The following MSL1 variants were observed in gnomAD, a reference collection of about 807,000 sequenced individuals.
MSL1 encodes MSL complex subunit 1, also known as male-specific lethal 1 homolog.
MSL1 carries 21 observed loss-of-function variants against 64.6 expected under a neutral mutation model. That is an observed-to-expected ratio of 0.33 (90% CI 0.23 to 0.47). MSL1 has a LOEUF of 0.47. Ranked by LOEUF, MSL1 falls within the 20% of genes least tolerant of loss-of-function variation. The probability of loss-of-function intolerance (pLI) is 1.00; values close to 1 mark genes in which losing one functional copy is unlikely to be tolerated. For synonymous variants in MSL1, 339 were observed against 329.6 expected (o/e 1.03, Z -0.31); for missense variants, 664 against 793.2 (o/e 0.84, Z 1.96).
Position 40,131,616 on chromosome 17 carries a change from C to T in MSL1, c.1423+32C>T. ...AGAATAGGAATTGTGCTGGCTGGGC[C>T]TGGGGTGGGGGTTGGTGGGATGGTG... On this transcript the variant is annotated intron_variant, in intron 4 of 8. Coordinates refer to ENST00000398532, the MANE Select transcript of MSL1 (RefSeq NM_001365919.1). The surrounding 1 kb of genome is among the most constrained non-coding windows in gnomAD (Gnocchi z 4.5). 3 of 1,607,830 alleles carry T rather than the reference C, an allele frequency of 1.9e-6. No individual in the cohort carries two copies. Among genetic ancestry groups the T allele is most frequent in the Non-Finnish European group, 2.6e-6 (3 of 1,174,512 alleles).
At chr17:40,124,007 T>C (rs1415946794) in intron 1 of MSL1, among the ~76,000 whole-genome samples, 1 of 152,204 alleles carries the variant, frequency 6.6e-6, no homozygotes. Context: ...ATAAGCATGG[T>C]GTTTGAAACT....
At chr17:40,127,127 A>G (rs926534548) in intron 2 of MSL1, among the ~76,000 whole-genome samples, 2 of 151,998 alleles carry the variant, frequency 1.3e-5, no homozygotes, top group East Asian at 1.9e-4. Flanking sequence ...GAACGTATGG[A>G]AAGTGGGGAA....
Position 40,131,538 on chromosome 17 carries a change from G to T in MSL1, c.1377G>T (p.Arg459Ser). 2 of 1,613,466 alleles carry T rather than the reference G, an allele frequency of 1.2e-6. No homozygotes were observed. The highest frequency in any genetic ancestry group is 1.7e-6 in the Non-Finnish European group (2 of 1,179,616). ...SSPKKEETVARCLMPSSVAGE... is the reference protein window; with the variant it reads ...SSPKKEETVASCLMPSSVAGE... Reference sequence around the variant, plus strand: ...ATTCTTCTTTCCTGCATTATTTAGGGTGTCTGATGCCATCAAGTGTTGCAG... The same window carrying T: ...ATTCTTCTTTCCTGCATTATTTAGGTTGTCTGATGCCATCAAGTGTTGCAG... Residue 459 changes from arginine to serine, a missense_variant and splice_region_variant, in exon 4 of 9, where the codon AGG becomes AGT. Physicochemically the swap from Arg to Ser is moderately radical, Grantham distance 110. Coordinates refer to ENST00000398532, the MANE Select transcript of MSL1 (RefSeq NM_001365919.1). The surrounding 1 kb of genome is among the most constrained non-coding windows in gnomAD (Gnocchi z 4.5).
At chr17:40,124,795 T>C (rs753918258) in intron 1 of MSL1, 1 of 152,062 alleles carries the variant, frequency 6.6e-6, no homozygotes, top group Non-Finnish European at 1.5e-5. Flanking sequence ...TACAAGGAGA[T>C]GAAATGAGAG....
intron 1 of MSL1, among the ~76,000 whole-genome samples, chr17:40,125,463 A>T (rs929489863): frequency 6.6e-6 from 1 of 152,176 alleles, no homozygotes; most frequent in Non-Finnish European, 1.5e-5. Flanking sequence ...TGTTGTGTAT[A>T]GAGCTTTGGA....
rs907581754 is a variant in MSL1 at position 40,136,289 on chromosome 17, TGA to T, written c.*1923_*1924del. On this transcript the variant is annotated 3_prime_UTR_variant, in exon 9 of 9. Transcript: ENST00000398532. ...CCCCAGTTTCTGACTTGAAGTAGAC[TGA>T]GAAGAATCCACGAGGTGCTATCTGG... The T allele has an allele frequency of 7.2e-5, 11 of 152,466 alleles. No homozygotes were observed. The highest frequency in any genetic ancestry group is 2.6e-4 in the African/African-American group (11 of 41,574). 9.4% of individuals were successfully genotyped at this position (152,466 alleles called of 1,614,324 possible).
At position 40,131,873 on chromosome 17, in the gene MSL1, C is replaced by T. The variant is rs189136181; in HGVS notation, c.1424-161C>T. Reference sequence around the variant, plus strand: ...GTTCTTTTATACCATAGCAAGGACACTGAATATGGCTTCAGGGAGGCCATA... The same window carrying T: ...GTTCTTTTATACCATAGCAAGGACATTGAATATGGCTTCAGGGAGGCCATA... On this transcript the variant is annotated intron_variant, in intron 4 of 8. Transcript: ENST00000398532. The surrounding 1 kb of genome is among the most constrained non-coding windows in gnomAD (Gnocchi z 4.5). The T allele has an allele frequency of 6.4e-5, 40 of 623,802 alleles. No individual in the cohort carries two copies. In the East Asian group the frequency reaches 1.1e-3, roughly 17 times the overall value. The allele number at this position is 623,802 out of a possible 1,614,324, so 38.6% of individuals were successfully genotyped here. A position where few individuals can be genotyped will look rare whatever the true frequency, so the allele number is the denominator to read the frequency against.
At chr17:40,133,298 C>T (rs1025889796) in intron 6 of MSL1, 189 bp downstream of exon 6, 2 of 738,860 alleles carry the variant, frequency 2.7e-6, no homozygotes, top group Non-Finnish European at 4.4e-6. Context: ...ACATGTTTGG[C>T]CTCTTTTTGT....
Position 40,129,440 on chromosome 17 carries a change from C to G in MSL1, c.1188C>G (p.Thr396=), listed in dbSNP as rs143879261. The change falls in exon 3 of 9, where the codon ACC becomes ACG. Residue 396 remains threonine (T), a synonymous_variant. Coordinates refer to ENST00000398532, the MANE Select transcript of MSL1 (RefSeq NM_001365919.1). ...TPEKPRSSVD[T]PPRLSTPQKG... is the part of the protein sequence containing the mutation. ...AAAAGCCCCGGTCTTCAGTGGACACCCCACCAAGACTCTCCACTCCCCAAA... is the reference window on the plus strand; with the variant it reads ...AAAAGCCCCGGTCTTCAGTGGACACGCCACCAAGACTCTCCACTCCCCAAA... 6.2e-7 allele frequency: 1 copy of G among 1,612,874 alleles called. No homozygotes were observed. The highest frequency in any genetic ancestry group is 1.7e-5 in the Admixed American group (1 of 59,762).
intron 2 of MSL1, 70 bp from the exon 3 acceptor site, chr17:40,129,175 A>G: frequency 7.6e-7 from 1 of 1,308,946 alleles, no homozygotes; most frequent in Non-Finnish European, 1.0e-6. Context: ...CTTTTGCTCC[A>G]GAATGTGTTC....
At chr17:40,125,426 C>T (rs1988291284) in intron 1 of MSL1, among the ~76,000 whole-genome samples, 1 of 152,164 alleles carries the variant, frequency 6.6e-6, no homozygotes, top group South Asian at 2.1e-4. Context: ...CTCTTAATTC[C>T]TTCTCAATGT....
chr17:40,136,528 CTG>C lies in MSL1; in HGVS notation c.*2162_*2163del, dbSNP rs1228232198. ...ATTTTTCCCTACATGGGATACAACA[CTG>C]TGAATTCAATCTTCAACTGAAGGCC... On this transcript the variant is annotated 3_prime_UTR_variant, in exon 9 of 9. Transcript: ENST00000398532. The C allele has an allele frequency of 6.6e-6, 1 of 152,340 alleles. No individual in the cohort carries two copies. Among genetic ancestry groups the C allele is most frequent in the Admixed American group, 6.5e-5 (1 of 15,274 alleles). 9.4% of individuals were successfully genotyped at this position (152,340 alleles called of 1,614,324 possible). A position where few individuals can be genotyped will look rare whatever the true frequency, so the allele number is the denominator to read the frequency against.
chr17:40,131,479 G>T lies in MSL1; in HGVS notation c.1376-58G>T. 6.8e-7 allele frequency: 1 copy of T among 1,478,474 alleles called. No individual in the cohort carries two copies. Among genetic ancestry groups the T allele is most frequent in the Non-Finnish European group, 9.4e-7 (1 of 1,058,328 alleles). The allele number at this position is 1,478,474 out of a possible 1,614,324, so 91.6% of individuals were successfully genotyped here. ...CAGTGATGATCCTTTCCTCCATTTGGGGTATGGGCTTTTTTTCTTTTTACA... is the reference window on the plus strand; with the variant it reads ...CAGTGATGATCCTTTCCTCCATTTGTGGTATGGGCTTTTTTTCTTTTTACA... On this transcript the variant is annotated intron_variant, in intron 3 of 8. Coordinates refer to ENST00000398532, the MANE Select transcript of MSL1 (RefSeq NM_001365919.1). This position sits in a 1 kb window ranked among gnomAD's most constrained non-coding sequence, Gnocchi z 4.5.
In MSL1 at chr17:40,134,401, T is replaced by A. The variant is rs1414370227; in HGVS notation, c.*32T>A. The A allele has an allele frequency of 6.5e-7, 1 of 1,535,674 alleles. No individual in the cohort carries two copies. Among genetic ancestry groups the A allele is most frequent in the Non-Finnish European group, 8.8e-7 (1 of 1,132,336 alleles). Reference sequence around the variant, plus strand: ...TGGCAAGAACCCTGTCTTCAGATAGTTGTAGCATGCCATTCCCGAGAGTGG... The same window carrying A: ...TGGCAAGAACCCTGTCTTCAGATAGATGTAGCATGCCATTCCCGAGAGTGG... On this transcript the variant is annotated 3_prime_UTR_variant, in exon 9 of 9. Coordinates refer to ENST00000398532, the MANE Select transcript of MSL1 (RefSeq NM_001365919.1).
chr17:40,125,925 TC>T (rs1376420829), intron 1 of MSL1, among the ~76,000 whole-genome samples: 2 of 152,218 alleles, frequency 1.3e-5, no homozygotes, highest in Non-Finnish European at 2.9e-5. Flanking sequence ...GGAGAGGATC[TC>T]CCTACAGAAG....
At chr17:40,130,429 T>A (rs1365851037) in intron 3 of MSL1, 1 of 152,050 alleles carries the variant, frequency 6.6e-6, no homozygotes, top group Non-Finnish European at 1.5e-5. Context: ...ATCTTCTACA[T>A]CAACCAGTAA....
chr17:40,132,884 G>A (rs1215682090), intron 5 of MSL1, among the ~76,000 whole-genome samples, 158 bp from the exon 6 acceptor site: 1 of 152,158 alleles, frequency 6.6e-6, no homozygotes, highest in Non-Finnish European at 1.5e-5. Context: ...TGTTGATTCT[G>A]TTACCAGGAG....
At chr17:40,133,362 G>C in intron 6 of MSL1, 172 bp from the exon 7 acceptor site, 1 of 865,496 alleles carries the variant, frequency 1.2e-6, no homozygotes, top group Non-Finnish European at 1.7e-6. Flanking sequence ...TGATCTAAAC[G>C]GTAGACCTAA....
chr17:40,125,563 A>T (rs1029469963), intron 1 of MSL1, among the ~76,000 whole-genome samples: 2 of 152,228 alleles, frequency 1.3e-5, no homozygotes, highest in Admixed American at 1.3e-4. Flanking sequence ...CTGTAATCCC[A>T]GCACTTTGGG....
Sources: allele counts gnomAD v4.1 joint callset (sites outside exome capture counted in the v4.1 genomes callset), GRCh38; gene constraint gnomAD v4.1.1; non-coding constraint Gnocchi (gnomAD v3.1); transcripts MANE v1.5; gene names NCBI Gene and HGNC (gene_info 2026-07-23, HGNC 2026-07-21).